TRIM14: variants seen among roughly 807,000 people sequenced by gnomAD.
TRIM14 encodes tripartite motif containing 14, also known as tripartite motif-containing protein 14.
TRIM14 carries 28 observed loss-of-function variants against 44.5 expected under a neutral mutation model. The observed-to-expected ratio is 0.63, with a 90% CI of 0.47 to 0.86. The LOEUF (loss-of-function observed/expected upper bound fraction) is 0.86, where lower values mean the gene tolerates loss of function less well. Ranked by LOEUF, TRIM14 falls within the 40% of genes least tolerant of loss-of-function variation. TRIM14 has a pLI of 0.00. For missense variants in TRIM14, 607 were observed against 611.1 expected (o/e 0.99, Z 0.07); for synonymous variants, 299 against 269.2 (o/e 1.11, Z -1.08).
chr9:98,091,572 C>T (rs1825994844), intron 5 of TRIM14, among the ~76,000 whole-genome samples: 2 of 151,956 alleles, frequency 1.3e-5, no homozygotes, highest in South Asian at 4.1e-4. Context: ...TATAGTATGA[C>T]ACCACGTTTG....
downstream of TRIM14, among the ~76,000 whole-genome samples, chr9:98,067,025 C>T (rs906600908): frequency 5.3e-5 from 8 of 152,138 alleles, no homozygotes; most frequent in African/African-American, 1.9e-4. Flanking sequence ...TGTGGTCCTT[C>T]GAGCCTGACT....
At chr9:98,083,168 C>T (rs1350010471), downstream of TRIM14, 5 of 952,986 alleles carry the variant, frequency 5.2e-6, no homozygotes, top group Non-Finnish European at 7.9e-6. Context: ...TCATCCACCT[C>T]CACCTGCTCC....
chr9:98,109,944 T>C lies in TRIM14; in HGVS notation c.248A>G (p.Lys83Arg). ...GGTTATGTTGTCAATGTGCTGCTGC[T>C]TCTTGATTGCCAGCTGCTTTAAACA... ...QECLKQLAIK[K>R]QQHIDNITQI... The change falls in exon 2 of 6, where the codon AAG becomes AGG. Residue 83 changes from lysine (K) to arginine (R), a missense_variant. Coordinates refer to ENST00000341469, the MANE Select transcript of TRIM14 (RefSeq NM_014788.4). 1.9e-6 allele frequency: 3 copies of C among 1,614,124 alleles called. No individual in the cohort carries two copies. The highest frequency in any genetic ancestry group is 4.5e-5 in the East Asian group (2 of 44,888).
chr9:98,074,529 C>T (rs1203600976), intron 6 of TRIM14: 2 of 152,174 alleles, frequency 1.3e-5, no homozygotes, highest in Non-Finnish European at 2.9e-5. Flanking sequence ...TTCCCTTTGC[C>T]CGATGGCTCT....
intron 3 of TRIM14, among the ~76,000 whole-genome samples, chr9:98,096,383 G>A (rs934783523): frequency 6.6e-6 from 1 of 152,204 alleles, no homozygotes; most frequent in African/African-American, 2.4e-5. Flanking sequence ...AGGGTGGGCA[G>A]GGAGCAGCTC....
At chr9:98,049,870 C>T in the TRIM14 span, among the ~76,000 whole-genome samples, 1 of 152,160 alleles carries the variant, frequency 6.6e-6, no homozygotes, top group Non-Finnish European at 1.5e-5. Flanking sequence ...ATGCCTCTGC[C>T]ACAGTGATAA....
chr9:98,071,937 T>C (rs1270481591), intron 6 of TRIM14, among the ~76,000 whole-genome samples: 1 of 152,228 alleles, frequency 6.6e-6, no homozygotes, highest in Non-Finnish European at 1.5e-5. Flanking sequence ...GGCCGTGCCC[T>C]GCAGGTGGCA....
the TRIM14 span, chr9:98,056,725 G>C: frequency 6.6e-7 from 1 of 1,520,316 alleles, no homozygotes; most frequent in East Asian, 2.6e-5. Context: ...GTCTCGCAGC[G>C]TTGCTCACAG....
chr9:98,111,408 A>G (rs1826849378), intron 1 of TRIM14, among the ~76,000 whole-genome samples: 1 of 149,372 alleles, frequency 6.7e-6, no homozygotes. Context: ...CCCCATTTTT[A>G]CCAAAAAACA....
At chr9:98,080,668 AAG>A (rs1232453210), downstream of TRIM14, 18 of 786,530 alleles carry the variant, frequency 2.3e-5, no homozygotes, top group Non-Finnish European at 1.6e-5. Context: ...ATCCCTAGGA[AAG>A]AGAGGCTCAG....
At chr9:98,096,273 T>C (rs1026618615) in intron 3 of TRIM14, among the ~76,000 whole-genome samples, 2 of 152,114 alleles carry the variant, frequency 1.3e-5, no homozygotes, top group African/African-American at 2.4e-5. Flanking sequence ...CAGGAGTCTA[T>C]AGAGTCCAAC....
Position 98,087,973 on chromosome 9 carries a change from T to C in TRIM14, c.826A>G (p.Met276Val), listed in dbSNP as rs1825855252. 1 of 1,560,512 alleles carries C rather than the reference T, an allele frequency of 6.4e-7. No homozygotes were observed. Among genetic ancestry groups the C allele is most frequent in the Non-Finnish European group, 8.6e-7 (1 of 1,164,554 alleles). Residue 276 changes from methionine (M) to valine (V), a missense_variant, in exon 6 of 6, where the codon ATG becomes GTG. Around this residue, in one of 3 missense-constraint regions of TRIM14, gnomAD observed 356 missense variants for 323.0 expected, o/e 1.10. Coordinates refer to ENST00000341469, the MANE Select transcript of TRIM14 (RefSeq NM_014788.4). ...GCGGACAGGCGCAGGCGCGCGTGCA[T>C]CGTGTCAGGATCCAGCGTGGGCGTG... ...ARTPTLDPDT[M>V]HARLRLSADR... is the part of the protein sequence containing the mutation.
downstream of TRIM14, among the ~76,000 whole-genome samples, chr9:98,067,439 T>C (rs1220089577): frequency 6.6e-6 from 1 of 152,212 alleles, no homozygotes; most frequent in Non-Finnish European, 1.5e-5. Context: ...GCCATCCTAG[T>C]GGATGTGACA....
At chr9:98,075,522 C>A (rs962526911) in intron 6 of TRIM14, 1 of 149,824 alleles carries the variant, frequency 6.7e-6, no homozygotes, top group Non-Finnish European at 1.5e-5. Flanking sequence ...TTGGTTGGTC[C>A]GTCGGTCCGT....
At chr9:98,082,838 G>C, downstream of TRIM14, 2 of 1,613,446 alleles carry the variant, frequency 1.2e-6, no homozygotes, top group Non-Finnish European at 1.7e-6. Flanking sequence ...TGTTCATTTT[G>C]TCCACAGCTG....
intron 2 of TRIM14, among the ~76,000 whole-genome samples, chr9:98,103,539 C>G (rs1240342111): frequency 6.6e-6 from 1 of 151,700 alleles, no homozygotes; most frequent in Non-Finnish European, 1.5e-5. Context: ...ATTATTTATA[C>G]AATTAAAAAA....
At chr9:98,107,179 T>C (rs1826645993) in intron 2 of TRIM14, among the ~76,000 whole-genome samples, 1 of 152,184 alleles carries the variant, frequency 6.6e-6, no homozygotes, top group South Asian at 2.1e-4. Context: ...CTCTCATGCA[T>C]TGCTGGTGGG....
At chr9:98,088,049 G>A in intron 5 of TRIM14, 44 bp from the exon 6 acceptor site, 1 of 1,411,574 alleles carries the variant, frequency 7.1e-7, no homozygotes, top group Non-Finnish European at 9.1e-7. Flanking sequence ...GGCGGGGCCA[G>A]CGCGGCGCCC....
At chr9:98,054,274 G>A in the TRIM14 span, among the ~76,000 whole-genome samples, 1 of 152,136 alleles carries the variant, frequency 6.6e-6, no homozygotes, top group Non-Finnish European at 1.5e-5. Flanking sequence ...AAGACGGACA[G>A]AAGGCCTTCC....
Sources: allele counts gnomAD v4.1 joint callset (sites outside exome capture counted in the v4.1 genomes callset), GRCh38; gene constraint gnomAD v4.1.1; regional missense constraint gnomAD v4.1.1; transcripts MANE v1.5; gene names NCBI Gene and HGNC (gene_info 2026-07-23, HGNC 2026-07-21).